Variants in SLC26A11 observed in about 807,000 individuals in gnomAD.
SLC26A11 encodes solute carrier family 26 member 11, also known as sodium-independent sulfate anion transporter.
A neutral mutation model predicts 62.2 loss-of-function variants in SLC26A11; 58 were observed. The observed-to-expected ratio is 0.93, with a 90% CI of 0.76 to 1.16. The LOEUF is 1.16. Among genes scored for constraint, SLC26A11 ranks in the 50% most tolerant of loss-of-function variants. The pLI is 0.00. For missense variants in SLC26A11, 790 were observed against 794.3 expected, an observed-to-expected ratio of 0.99 and a Z score of 0.06; for synonymous variants, 411 against 368.9, an observed-to-expected ratio of 1.11 and a Z score of -1.31.
intron 5 of SLC26A11, 143 bp from the exon 6 acceptor site, chr17:80,225,694 C>T (rs779086441): frequency 4.1e-5 from 30 of 729,548 alleles, no homozygotes; most frequent in Non-Finnish European, 6.8e-5. Context: ...CCCCTGAGCC[C>T]CTAAGATGGG....
At position 80,252,481 on chromosome 17, in the gene SLC26A11, A is replaced by T; in HGVS notation, c.1730-144A>T. On this transcript the variant is annotated intron_variant, in intron 17 of 17. Transcript: ENST00000361193. This position sits in a 1 kb window ranked among gnomAD's most constrained non-coding sequence, Gnocchi z 5.2. ...ACTCAGGTGAGACCCTCATGGAGTT[A>T]GTGACACTGGCCTGGGTGGCCCACA... 1 of 609,810 alleles carries T rather than the reference A, an allele frequency of 1.6e-6. No homozygotes were observed. Among genetic ancestry groups the T allele is most frequent in the Non-Finnish European group, 2.8e-6 (1 of 354,282 alleles). 37.8% of individuals were successfully genotyped at this position (609,810 alleles called of 1,614,324 possible).
rs908395350 is a variant in SLC26A11 at position 80,245,368 on chromosome 17, G to T, written c.1097+112G>T. 2.9e-6 allele frequency: 3 copies of T among 1,027,406 alleles called. No individual in the cohort carries two copies. The Admixed American group carries it at 5.7e-5, about 20-fold the overall frequency. 63.6% of individuals were successfully genotyped at this position (1,027,406 alleles called of 1,614,324 possible). On this transcript the variant is annotated intron_variant, in intron 11 of 17. Coordinates refer to ENST00000361193, the MANE Select transcript of SLC26A11 (RefSeq NM_001166347.2). ...CGGCGCCCCGTCCTCCACTGTGAAC[G>T]CTCCGTGGAGAGGCAGGGCTGGGGG...
chr17:80,251,521 G>C lies in SLC26A11; in HGVS notation c.1729+120G>C, dbSNP rs1290562648. The C allele has an allele frequency of 4.6e-6, 6 of 1,313,894 alleles. No individual in the cohort carries two copies. The African/African-American group carries it at 8.9e-5, about 20-fold the overall frequency. The allele number at this position is 1,313,894 out of a possible 1,614,324, so 81.4% of individuals were successfully genotyped here. On this transcript the variant is annotated intron_variant, in intron 17 of 17. Coordinates refer to ENST00000361193, the MANE Select transcript of SLC26A11 (RefSeq NM_001166347.2). ...CTCATGCCTGTAATCCCAGCACTTT[G>C]GGAGGCCGAGGCAGGTGGATCACCT...
intron 13 of SLC26A11, among the ~76,000 whole-genome samples, chr17:80,247,132 AG>A (rs529687824): frequency 3.7e-4 from 56 of 151,386 alleles, no homozygotes; most frequent in African/African-American, 1.3e-3. Flanking sequence ...GGGATTTGGC[AG>A]GGTCATAGGA....
Position 80,221,746 on chromosome 17 carries a change from C to A in SLC26A11, c.186C>A (p.Ala62=). The part of the protein sequence containing the change: ...FVAGLSVGLT[A]IPQALAYAEV... ...CCGGCCTCTCAGTTGGCCTCACTGC[C>A]ATTCCCCAGGCGCTGGCCTATGCTG... The change falls in exon 3 of 18, where the codon GCC becomes GCA. Residue 62 remains alanine (A), a synonymous_variant. Transcript: ENST00000361193. 6.2e-7 allele frequency: 1 copy of A among 1,613,544 alleles called. No homozygotes were observed.
At chr17:80,241,950 C>G in intron 10 of SLC26A11, 129 bp downstream of exon 10, 1 of 1,009,412 alleles carries the variant, frequency 9.9e-7, no homozygotes. Flanking sequence ...CAAAGGTGGC[C>G]CCAGATGGGA....
At position 80,222,098 on chromosome 17, in the gene SLC26A11, T is replaced by C. The variant is rs1464683019; in HGVS notation, c.234+304T>C. 1.8e-5 allele frequency: 6 copies of C among 332,802 alleles called. No individual in the cohort carries two copies. Among genetic ancestry groups the C allele is most frequent in the Non-Finnish European group, 3.3e-5 (6 of 184,220 alleles). 20.6% of individuals were successfully genotyped at this position (332,802 alleles called of 1,614,324 possible). ...TCCACTAAAAATACAAAAATTAGGC[T>C]GGGTGCGGTGGCTCAAGCCTGTAAT... On this transcript the variant is annotated intron_variant, in intron 3 of 17. Transcript: ENST00000361193. The surrounding 1 kb of genome is among the most constrained non-coding windows in gnomAD (Gnocchi z 4.7).
rs1431066596 is a variant in SLC26A11 at position 80,245,210 on chromosome 17, T to G, written c.1051T>G (p.Leu351Val). 1 of 1,613,916 alleles carries G rather than the reference T, an allele frequency of 6.2e-7. No homozygotes were observed. Among genetic ancestry groups the G allele is most frequent in the Admixed American group, 1.7e-5 (1 of 59,966 alleles). ...CTCCTCCCCAGGTCTCACCAACATG[T>G]TGGGCTCCCTCGTCTCCTCCTACCC... ...ELLAIGLTNM[L>V]GSLVSSYPVT... Residue 351 changes from leucine to valine, a missense_variant, in exon 11 of 18, where the codon TTG becomes GTG. By Grantham distance (32) the Leu-to-Val change is conservative (BLOSUM62 1). Coordinates refer to ENST00000361193, the MANE Select transcript of SLC26A11 (RefSeq NM_001166347.2).
chr17:80,243,222 C>T (rs542762133), intron 10 of SLC26A11, among the ~76,000 whole-genome samples: 1 of 152,212 alleles, frequency 6.6e-6, no homozygotes, highest in South Asian at 2.1e-4. Context: ...GGACGTTGCC[C>T]GGGCTTCTCT....
Position 80,237,422 on chromosome 17 carries a change from T to C in SLC26A11, c.913-100T>C, listed in dbSNP as rs749103216. The C allele has an allele frequency of 1.3e-4, 147 of 1,135,650 alleles. 1 individual carries two copies. In the African/African-American group the frequency reaches 2.1e-3, roughly 16 times the overall value. The allele number at this position is 1,135,650 out of a possible 1,614,324, so 70.3% of individuals were successfully genotyped here. The stretch of plus-strand genomic sequence containing the variant: ...CCTGCAGCTGACAAGCACTTGCTCC[T>C]GTTACCTGTGGGGCGGGGTGGGTCC... On this transcript the variant is annotated intron_variant, in intron 8 of 17. Transcript: ENST00000361193.
In SLC26A11 at chr17:80,227,823, G is replaced by A; in HGVS notation, c.599G>A (p.Gly200Asp). The change falls in exon 7 of 18, where the codon GGT becomes GAT. Residue 200 changes from glycine (G) to aspartate (D), a missense_variant. Coordinates refer to ENST00000361193, the MANE Select transcript of SLC26A11 (RefSeq NM_001166347.2). ...TFLRIAETRV[G>D]DAVLGLVCML... ...AGTCCTCTGCCTGTCCACAGGGTAG[G>A]TGACGCCGTCCTGGGGCTGGTCTGC... The A allele has an allele frequency of 6.2e-7, 1 of 1,603,978 alleles. No individual in the cohort carries two copies. The highest frequency in any genetic ancestry group is 1.1e-5 in the South Asian group (1 of 91,084).
In SLC26A11 at chr17:80,251,480, C is replaced by T. The variant is rs543338783; in HGVS notation, c.1729+79C>T. On this transcript the variant is annotated intron_variant, in intron 17 of 17. Coordinates refer to ENST00000361193, the MANE Select transcript of SLC26A11 (RefSeq NM_001166347.2). ...GCTTATTGTAAAAAATATGGGAAAC[C>T]AGCTGGGCACAGTGGCTCATGCCTG... 69 of 1,561,380 alleles carry T rather than the reference C, an allele frequency of 4.4e-5. No individual in the cohort carries two copies. The African/African-American group carries it at 8.8e-4, about 20-fold the overall frequency.
At chr17:80,245,440 A>T in intron 11 of SLC26A11, 184 bp downstream of exon 11, 1 of 602,856 alleles carries the variant, frequency 1.7e-6, no homozygotes, top group Non-Finnish European at 3.0e-6. Flanking sequence ...ATTCTCATAG[A>T]TCGTCCTGCA....
intron 9 of SLC26A11, among the ~76,000 whole-genome samples, chr17:80,237,902 T>G (rs2042743589): frequency 6.6e-6 from 1 of 152,244 alleles, no homozygotes; most frequent in African/African-American, 2.4e-5. Context: ...TGTCTGATTT[T>G]AAGGTAACGT....
rs571268870 is a variant in SLC26A11, at chr17:80,244,101, C to T, written c.1037-1095C>T. On this transcript the variant is annotated intron_variant, in intron 10 of 17. Coordinates refer to ENST00000361193, the MANE Select transcript of SLC26A11 (RefSeq NM_001166347.2). Reference sequence around the variant, plus strand: ...CCCTGATACTGAGTTGGCCCCAGGCCGAGCCGCCTTGAGAGCAGGCCCTGC... The same window carrying T: ...CCCTGATACTGAGTTGGCCCCAGGCTGAGCCGCCTTGAGAGCAGGCCCTGC... 5.3e-5 allele frequency among the ~76,000 whole-genome samples: 8 copies of T among 152,326 alleles called. No homozygotes were observed. In the South Asian group the frequency reaches 6.2e-4, roughly 12 times the overall value.
chr17:80,251,638 C>T (rs898485666), intron 17 of SLC26A11, among the ~76,000 whole-genome samples: 1 of 152,002 alleles, frequency 6.6e-6, no homozygotes, highest in South Asian at 2.1e-4. Flanking sequence ...TGGCATGCAC[C>T]TCTAGTCCCA....
chr17:80,223,185 A>G lies in SLC26A11; in HGVS notation c.428-67A>G, dbSNP rs1243528115. 6.9e-7 allele frequency: 1 copy of G among 1,451,098 alleles called. No homozygotes were observed. 89.9% of individuals were successfully genotyped at this position (1,451,098 alleles called of 1,614,324 possible). A position where few individuals can be genotyped will look rare whatever the true frequency, so the allele number is the denominator to read the frequency against. ...CCCATTGCCACCTTCCCCAGCTCAC[A>G]TCTCCCCTCATCCTCTGGGACTGGG... On this transcript the variant is annotated intron_variant, in intron 4 of 17. Transcript: ENST00000361193. This position sits in a 1 kb window ranked among gnomAD's most constrained non-coding sequence, Gnocchi z 4.6.
chr17:80,241,679 G>A (rs1271722470), intron 9 of SLC26A11, 92 bp from the exon 10 acceptor site: 1 of 1,318,192 alleles, frequency 7.6e-7, no homozygotes, highest in South Asian at 1.2e-5. Flanking sequence ...ATTGCCGTGT[G>A]TAGAAATTCA....
At chr17:80,237,202 G>C in intron 8 of SLC26A11, 99 bp downstream of exon 8, 1 of 1,404,470 alleles carries the variant, frequency 7.1e-7, no homozygotes, top group Admixed American at 2.3e-5. Context: ...GGGGGTCTGA[G>C]GTCAGTTAGG....
Sources: allele counts gnomAD v4.1 joint callset (sites outside exome capture counted in the v4.1 genomes callset), GRCh38; gene constraint gnomAD v4.1.1; non-coding constraint Gnocchi (gnomAD v3.1); transcripts MANE v1.5; gene names NCBI Gene and HGNC (gene_info 2026-07-23, HGNC 2026-07-21).